Variants in FZR1 observed in about 807,000 individuals in gnomAD.
The protein encoded by FZR1 is fizzy-related protein homolog.
Under a neutral mutation model 63.6 loss-of-function variants are expected in FZR1, and 11 were observed. The observed-to-expected ratio is 0.17, with a 90% CI of 0.11 to 0.29. FZR1 has a LOEUF of 0.29. Among genes scored for constraint, FZR1 ranks in the 10% least tolerant of loss-of-function variants. The pLI, the probability that FZR1 is intolerant of heterozygous loss-of-function variation, is 1.00. For missense variants in FZR1, 440 were observed against 687.5 expected (o/e 0.64, Z 4.03); for synonymous variants, 328 against 297.9 (o/e 1.10, Z -1.04).
rs1297155855 is a variant in FZR1 at position 3,529,136 on chromosome 19, GAGCGGA to G, written c.654+1323_654+1328del. ...AGAGCGGATGGGAGAGCGGATGGGA[GAGCGGA>G]TGGGAGAGCGGATGGGAGAGCGGTT... On this transcript the variant is annotated intron_variant, in intron 7 of 13. Coordinates refer to ENST00000441788, the MANE Select transcript of FZR1 (RefSeq NM_016263.4). Among the ~76,000 whole-genome samples the G allele has an allele frequency of 3.7e-3, 419 of 113,266 alleles. 9 individuals are homozygous for G. Among genetic ancestry groups the G allele is most frequent in the South Asian group, 0.021 (78 of 3,682 alleles). The allele number at this position is 113,266 out of a possible 152,430, so 74.3% of individuals were successfully genotyped here.
At chr19:3,534,297 C>G (rs2083275798) in intron 12 of FZR1, 124 bp from the exon 13 acceptor site, 2 of 570,396 alleles carry the variant, frequency 3.5e-6, no homozygotes, top group Admixed American at 6.6e-5. Context: ...GCCCCTCCCT[C>G]CTGGCTCCAG....
rs570000890 is a variant in FZR1, at chr19:3,537,759, G to A, written c.*2923G>A. ...GGGGCAGGCCCCATCCTGGGCATTG[G>A]AGATGATGAAACCGAGCAGACCTGG... On this transcript the variant is annotated 3_prime_UTR_variant, in exon 14 of 14. Transcript: ENST00000441788. 1 of 152,648 alleles carries A rather than the reference G, an allele frequency of 6.6e-6. No individual in the cohort carries two copies. The highest frequency in any genetic ancestry group is 6.5e-5 in the Admixed American group (1 of 15,288). The allele number at this position is 152,648 out of a possible 1,614,324, so 9.5% of individuals were successfully genotyped here. A position where few individuals can be genotyped will look rare whatever the true frequency, so the allele number is the denominator to read the frequency against.
At chr19:3,524,819 GTC>G (rs1328986630) in intron 2 of FZR1, among the ~76,000 whole-genome samples, 2 of 152,294 alleles carry the variant, frequency 1.3e-5, no homozygotes, top group East Asian at 1.9e-4. Context: ...ATCTGCTTGT[GTC>G]TCTGTGTCCG....
chr19:3,519,548 G>A (rs1763993940), intron 1 of FZR1, among the ~76,000 whole-genome samples: 1 of 152,204 alleles, frequency 6.6e-6, no homozygotes, highest in African/African-American at 2.4e-5. Flanking sequence ...CTGCTCTGAA[G>A]CTCAGTGTTC....
chr19:3,527,558 G>C lies in FZR1; in HGVS notation c.471-73G>C, dbSNP rs2083172957. 5 of 1,223,998 alleles carry C rather than the reference G, an allele frequency of 4.1e-6. No individual in the cohort carries two copies. The South Asian group carries it at 5.5e-5, about 13-fold the overall frequency. 75.8% of individuals were successfully genotyped at this position (1,223,998 alleles called of 1,614,324 possible). Reference sequence around the variant, plus strand: ...GGCTCCTGGGGCTGGCAGGGAAGGAGACACTTCCCAAGCGTTTGCAAGAGG... The same window carrying C: ...GGCTCCTGGGGCTGGCAGGGAAGGACACACTTCCCAAGCGTTTGCAAGAGG... On this transcript the variant is annotated intron_variant, in intron 6 of 13. Coordinates refer to ENST00000441788, the MANE Select transcript of FZR1 (RefSeq NM_016263.4).
chr19:3,535,179 T>C lies in FZR1; in HGVS notation c.*343T>C. 2.7e-6 allele frequency: 1 copy of C among 368,276 alleles called. No homozygotes were observed. The allele number at this position is 368,276 out of a possible 1,614,324, so 22.8% of individuals were successfully genotyped here. On this transcript the variant is annotated 3_prime_UTR_variant, in exon 14 of 14. Coordinates refer to ENST00000441788, the MANE Select transcript of FZR1 (RefSeq NM_016263.4). ...TCACTGCCTCCGTCTGTTCATCACC[T>C]GCCCACCGGAGCCGCATGCTCTTCC...
Position 3,525,773 on chromosome 19 carries a change from T to C in FZR1, c.70-95T>C. The stretch of plus-strand genomic sequence containing the variant: ...TTGGGTTTTCAAGATCAAAGCCCCC[T>C]TTGCTCAGTGGCCAGAGGCTGAGAG... On this transcript the variant is annotated intron_variant, in intron 2 of 13. Transcript: ENST00000441788. This position sits in a 1 kb window ranked among gnomAD's most constrained non-coding sequence, Gnocchi z 4.2. 1.4e-6 allele frequency: 2 copies of C among 1,464,880 alleles called. No individual in the cohort carries two copies. The highest frequency in any genetic ancestry group is 1.9e-6 in the Non-Finnish European group (2 of 1,080,470). The allele number at this position is 1,464,880 out of a possible 1,614,324, so 90.7% of individuals were successfully genotyped here.
At chr19:3,534,611 C>G in intron 13 of FZR1, 98 bp downstream of exon 13, 1 of 935,272 alleles carries the variant, frequency 1.1e-6, no homozygotes. Context: ...CCTCTGGGTT[C>G]CCCCACTTCC....
intron 1 of FZR1, among the ~76,000 whole-genome samples, chr19:3,520,317 C>T (rs771590872): frequency 3.3e-5 from 5 of 152,144 alleles, no homozygotes; most frequent in Admixed American, 6.5e-5. Flanking sequence ...GTGACATGAC[C>T]TGGCCCCAGT....
rs200327045 is a variant in FZR1, at chr19:3,534,521, G to C, written c.1440+8G>C. On this transcript the variant is annotated splice_region_variant and intron_variant, in intron 13 of 13. Transcript: ENST00000441788. ...AAAACCCGTTCGACAAAGGTAAAGT[G>C]GGTCGGTATCAGCGCCACTCGCCCC... 27 of 1,584,768 alleles carry C rather than the reference G, an allele frequency of 1.7e-5. No individual in the cohort carries two copies. The highest frequency in any genetic ancestry group is 2.2e-5 in the Non-Finnish European group (25 of 1,159,240).
chr19:3,530,761 C>A, intron 7 of FZR1, 31 bp from the exon 8 acceptor site: 2 of 1,586,234 alleles, frequency 1.3e-6, no homozygotes, highest in East Asian at 2.2e-5. Context: ...TCGAGACCAG[C>A]GGCAAAGCTC....
chr19:3,525,432 C>CTTTTTTTT lies in FZR1; in HGVS notation c.70-415_70-408dup, dbSNP rs57486013. 2.5e-4 allele frequency among the ~76,000 whole-genome samples: 17 copies of CTTTTTTTT among 68,738 alleles called. No homozygotes were observed. Among genetic ancestry groups the CTTTTTTTT allele is most frequent in the Admixed American group, 5.8e-4 (3 of 5,130 alleles). 45.1% of individuals were successfully genotyped at this position (68,738 alleles called of 152,430 possible). A position where few individuals can be genotyped will look rare whatever the true frequency, so the allele number is the denominator to read the frequency against. On this transcript the variant is annotated intron_variant, in intron 2 of 13. Transcript: ENST00000441788. The surrounding 1 kb of genome is among the most constrained non-coding windows in gnomAD (Gnocchi z 4.2). The stretch of plus-strand genomic sequence containing the variant: ...TGTGTGGCTCCCCTCCTTGGGTTTT[C>CTTTTTTTT]TTTTTTTTTTTTTTTTTTTTTTTTT...
rs1265274035 is a variant in FZR1 at position 3,506,311 on chromosome 19, A to G, written c.-198A>G. 1.4e-5 allele frequency: 2 copies of G among 146,390 alleles called. No individual in the cohort carries two copies. Among genetic ancestry groups the G allele is most frequent in the Non-Finnish European group, 3.0e-5 (2 of 66,472 alleles). 9.1% of individuals were successfully genotyped at this position (146,390 alleles called of 1,614,324 possible). ...CGGCGGAGGGAGGGAGCCGGGAGGC[A>G]GCGGAGGAGCGACCGCCGCCATATT... On this transcript the variant is annotated 5_prime_UTR_variant, in exon 1 of 14. Transcript: ENST00000441788.
intron 1 of FZR1, among the ~76,000 whole-genome samples, chr19:3,506,680 C>G (rs2122095234): frequency 6.6e-6 from 1 of 152,060 alleles, no homozygotes; most frequent in South Asian, 2.1e-4. Flanking sequence ...GAGTTAACAC[C>G]CAAATCCCAG....
At chr19:3,532,943 C>T (rs933420177) in intron 11 of FZR1, among the ~76,000 whole-genome samples, 1 of 152,008 alleles carries the variant, frequency 6.6e-6, no homozygotes, top group Non-Finnish European at 1.5e-5. Flanking sequence ...AGAGGGGAGG[C>T]CCAGGATGAA....
rs879104160 is a variant in FZR1, at chr19:3,526,070, G to A, written c.196-50G>A. On this transcript the variant is annotated intron_variant, in intron 3 of 13. Coordinates refer to ENST00000441788, the MANE Select transcript of FZR1 (RefSeq NM_016263.4). The surrounding 1 kb of genome is among the most constrained non-coding windows in gnomAD (Gnocchi z 5.4). Reference sequence around the variant, plus strand: ...CTCCCAGCCTCCTTGCTCTAGGGCCGGGAACAAGCGGGCTCCTCGACCCCT... The same window carrying A: ...CTCCCAGCCTCCTTGCTCTAGGGCCAGGAACAAGCGGGCTCCTCGACCCCT... 9.9e-6 allele frequency: 16 copies of A among 1,611,242 alleles called. No individual in the cohort carries two copies. The East Asian group carries it at 1.6e-4, about 16-fold the overall frequency.
At chr19:3,509,658 T>C (rs2083010738) in intron 1 of FZR1, among the ~76,000 whole-genome samples, 1 of 152,212 alleles carries the variant, frequency 6.6e-6, no homozygotes, top group Non-Finnish European at 1.5e-5. Flanking sequence ...CCTGCCTCTG[T>C]GGCTGGGCCT....
Position 3,534,527 on chromosome 19 carries a change from G to T in FZR1, c.1440+14G>T. Reference sequence around the variant, plus strand: ...CGTTCGACAAAGGTAAAGTGGGTCGGTATCAGCGCCACTCGCCCCCGCCCC... The same window carrying T: ...CGTTCGACAAAGGTAAAGTGGGTCGTTATCAGCGCCACTCGCCCCCGCCCC... On this transcript the variant is annotated intron_variant, in intron 13 of 13. Transcript: ENST00000441788. 4 of 1,557,238 alleles carry T rather than the reference G, an allele frequency of 2.6e-6. No homozygotes were observed. Among genetic ancestry groups the T allele is most frequent in the Non-Finnish European group, 3.5e-6 (4 of 1,136,400 alleles).
At chr19:3,531,492 A>G (rs1019722568) in intron 8 of FZR1, among the ~76,000 whole-genome samples, 11 of 151,942 alleles carry the variant, frequency 7.2e-5, no homozygotes, top group Non-Finnish European at 1.3e-4. Flanking sequence ...TCTTGGCTGG[A>G]CTCTGAGAAA....
Sources: gnomAD v4.1 joint callset for allele counts (sites outside exome capture counted in the v4.1 genomes callset) on GRCh38, gnomAD v4.1.1 for gene constraint, Gnocchi (gnomAD v3.1) non-coding constraint, MANE v1.5 for transcripts, NCBI Gene and HGNC (gene_info 2026-07-23, HGNC 2026-07-21) for gene names.